Variants in TMEM51 observed in about 807,000 individuals in gnomAD.
The protein encoded by TMEM51 is transmembrane protein 51.
TMEM51 carries 8 observed loss-of-function variants against 13.6 expected under a neutral mutation model. The ratio of observed to expected loss-of-function variants is 0.59; its 90% CI spans 0.35 to 1.07. The LOEUF (loss-of-function observed/expected upper bound fraction) is 1.07. Ranked by LOEUF, TMEM51 falls within the 50% of genes least tolerant of loss-of-function variation. TMEM51 has a pLI of 0.02. For missense variants in TMEM51, 279 were observed against 330.7 expected, an observed-to-expected ratio of 0.84 and a Z score of 1.21; for synonymous variants, 147 against 144.4, an observed-to-expected ratio of 1.02 and a Z score of -0.13.
chr1:15,193,004 G>T (rs530261304), intron 1 of TMEM51, among the ~76,000 whole-genome samples: 48 of 152,340 alleles, frequency 3.2e-4, no homozygotes, highest in Middle Eastern at 3.4e-3. Context: ...CCCACAGGAG[G>T]GTCCCAGTGA....
In TMEM51 at chr1:15,207,121, C is replaced by T. The variant is rs781123301; in HGVS notation, c.-266-3369C>T. Among the ~76,000 whole-genome samples the T allele has an allele frequency of 1.6e-4, 24 of 152,348 alleles. No individual in the cohort carries two copies. Among genetic ancestry groups the T allele is most frequent in the Non-Finnish European group, 2.8e-4 (19 of 68,038 alleles). On this transcript the variant is annotated intron_variant, in intron 1 of 3. Transcript: ENST00000376008. The surrounding 1 kb of genome is among the most constrained non-coding windows in gnomAD (Gnocchi z 4.6). Reference sequence around the variant, plus strand: ...TGAATGTGGCACAGCCCGGTGGAACCGGGGATCCCTTTCCCAATTATGCAG... The same window carrying T: ...TGAATGTGGCACAGCCCGGTGGAACTGGGGATCCCTTTCCCAATTATGCAG...
At chr1:15,195,780 G>A (rs1165876213) in intron 1 of TMEM51, among the ~76,000 whole-genome samples, 31 of 152,278 alleles carry the variant, frequency 2.0e-4, no homozygotes, top group Admixed American at 2.0e-3. Flanking sequence ...CCAGCAGCCT[G>A]AGCACAGAGC....
At chr1:15,163,953 C>G (rs1008492303) in intron 1 of TMEM51, among the ~76,000 whole-genome samples, 1 of 151,632 alleles carries the variant, frequency 6.6e-6, no homozygotes, top group Non-Finnish European at 1.5e-5. Context: ...CTCAGCCTCC[C>G]GAGTAGCTGG....
intron 1 of TMEM51, among the ~76,000 whole-genome samples, chr1:15,166,670 G>T (rs1033772954): frequency 6.6e-6 from 1 of 152,140 alleles, no homozygotes; most frequent in Non-Finnish European, 1.5e-5. Context: ...AGTGAGCCAA[G>T]ATCAGAGCAC....
chr1:15,215,906 A>T (rs1172967296), intron 3 of TMEM51, among the ~76,000 whole-genome samples: 1 of 152,150 alleles, frequency 6.6e-6, no homozygotes, highest in Non-Finnish European at 1.5e-5. Context: ...ACATGCCTGT[A>T]GTCCCAGCTA....
chr1:15,156,258 G>T (rs375660486), intron 1 of TMEM51, among the ~76,000 whole-genome samples: 2 of 152,210 alleles, frequency 1.3e-5, no homozygotes, highest in Non-Finnish European at 2.9e-5. Flanking sequence ...CTCTGTCTGC[G>T]TGAGGGATGG....
Position 15,214,948 on chromosome 1 carries a change from C to G in TMEM51, c.-140C>G, listed in dbSNP as rs915873453. ...AGGCCTCGCGATTGCTCGGAACCAT[C>G]CCGCAGGAGTTCAGCTGATATTTTC... On this transcript the variant is annotated 5_prime_UTR_variant, in exon 3 of 4. It adds an upstream start codon to the 5' untranslated region. Coordinates refer to ENST00000376008, the MANE Select transcript of TMEM51 (RefSeq NM_001136218.2). The G allele has an allele frequency of 3.6e-6, 3 of 840,012 alleles. No individual in the cohort carries two copies. The highest frequency in any genetic ancestry group is 3.6e-6 in the Non-Finnish European group (2 of 554,418). The allele number at this position is 840,012 out of a possible 1,614,324, so 52.0% of individuals were successfully genotyped here.
At chr1:15,158,312 A>G (rs1328042493) in intron 1 of TMEM51, among the ~76,000 whole-genome samples, 2 of 152,102 alleles carry the variant, frequency 1.3e-5, no homozygotes, top group Non-Finnish European at 2.9e-5. Context: ...CTGCATCACC[A>G]TGGGGTTTGG....
chr1:15,210,277 T>C (rs1644317982), intron 1 of TMEM51, among the ~76,000 whole-genome samples: 1 of 152,214 alleles, frequency 6.6e-6, no homozygotes, highest in Admixed American at 6.5e-5. Context: ...TTGATAAATG[T>C]TAGCTACCAT....
chr1:15,161,350 T>G lies in TMEM51; in HGVS notation c.-267+7396T>G, dbSNP rs539489295. ...GGTGAAACCCCATCTCTACTAAAAATAGAAAAATTACCCGGTATGGTGGCA... is the reference window on the plus strand; with the variant it reads ...GGTGAAACCCCATCTCTACTAAAAAGAGAAAAATTACCCGGTATGGTGGCA... On this transcript the variant is annotated intron_variant, in intron 1 of 3. Transcript: ENST00000376008. This position sits in a 1 kb window ranked among gnomAD's most constrained non-coding sequence, Gnocchi z 4.0. Among the ~76,000 whole-genome samples the G allele has an allele frequency of 2.6e-5, 4 of 151,356 alleles. No individual in the cohort carries two copies. The highest frequency in any genetic ancestry group is 9.7e-5 in the African/African-American group (4 of 41,044).
chr1:15,153,040 C>A (rs1642448796), upstream of TMEM51, among the ~76,000 whole-genome samples: 1 of 152,218 alleles, frequency 6.6e-6, no homozygotes, highest in South Asian at 2.1e-4. Flanking sequence ...CCACCTGGGC[C>A]GGGACTCGGG....
intron 2 of TMEM51, among the ~76,000 whole-genome samples, chr1:15,213,609 A>G (rs1644376578): frequency 2.0e-5 from 3 of 152,288 alleles, no homozygotes; most frequent in African/African-American, 7.2e-5. Flanking sequence ...CTCGCTCTCA[A>G]CCAACAAATG....
intron 1 of TMEM51, among the ~76,000 whole-genome samples, chr1:15,200,674 C>G (rs1644138526): frequency 6.6e-6 from 1 of 152,160 alleles, no homozygotes; most frequent in Non-Finnish European, 1.5e-5. Flanking sequence ...AGCTCTTAAT[C>G]TCTCTTCCCC....
chr1:15,192,361 C>G, intron 1 of TMEM51: 1 of 395,016 alleles, frequency 2.5e-6, no homozygotes, highest in Non-Finnish European at 5.0e-6. Flanking sequence ...TCTCCAGAAC[C>G]TGCACACTAG....
chr1:15,156,488 C>G (rs887351974), intron 1 of TMEM51, among the ~76,000 whole-genome samples: 2 of 152,200 alleles, frequency 1.3e-5, no homozygotes, highest in African/African-American at 2.4e-5. Flanking sequence ...TTGTCTCCCT[C>G]GGTGCTGGGA....
intron 2 of TMEM51, among the ~76,000 whole-genome samples, chr1:15,213,562 T>C (rs1244868342): frequency 2.0e-5 from 3 of 152,190 alleles, no homozygotes; most frequent in South Asian, 2.1e-4. Context: ...TCCTTGAGAA[T>C]GTTCTAAACT....
chr1:15,177,465 G>A (rs114640361), intron 1 of TMEM51, among the ~76,000 whole-genome samples: 2,242 of 152,208 alleles, frequency 0.015, 35 homozygotes, highest in Admixed American at 0.038. Flanking sequence ...GGCAGGGAGT[G>A]GAAGATGCTG....
rs555538284 is a variant in TMEM51, at chr1:15,173,051, G to A, written c.-267+19097G>A. Among the ~76,000 whole-genome samples the A allele has an allele frequency of 1.9e-3, 293 of 152,276 alleles. 1 individual carries two copies. The highest frequency in any genetic ancestry group is 0.01 in the Middle Eastern group (3 of 294). On this transcript the variant is annotated intron_variant, in intron 1 of 3. Transcript: ENST00000376008. Reference sequence around the variant, plus strand: ...ATGCCTACCTTTTTCATGGAGGGTTGTGGGAACCGAATGAGGCCATGTGTA... The same window carrying A: ...ATGCCTACCTTTTTCATGGAGGGTTATGGGAACCGAATGAGGCCATGTGTA...
At chr1:15,204,612 G>A (rs1313615152) in intron 1 of TMEM51, among the ~76,000 whole-genome samples, 3 of 152,196 alleles carry the variant, frequency 2.0e-5, no homozygotes, top group Non-Finnish European at 2.9e-5. Flanking sequence ...CCGTGAATGA[G>A]GACGGCCTAA....
Sources: allele counts gnomAD v4.1 joint callset (sites outside exome capture counted in the v4.1 genomes callset), GRCh38; gene constraint gnomAD v4.1.1; non-coding constraint Gnocchi (gnomAD v3.1); transcripts MANE v1.5; gene names NCBI Gene and HGNC (gene_info 2026-07-23, HGNC 2026-07-21).